Variants in SFMBT2 observed in about 807,000 individuals in gnomAD.
The protein encoded by SFMBT2 is Scm like with four mbt domains 2, also known as scm-like with four MBT domains protein 2.
SFMBT2 carries 38 observed loss-of-function variants against 110.1 expected under a neutral mutation model. That is an observed-to-expected ratio of 0.35 (90% confidence interval 0.27 to 0.45). The LOEUF (loss-of-function observed/expected upper bound fraction) is 0.45. SFMBT2 is among the 20% of genes least tolerant of loss of function. The pLI is 1.00. For missense variants in SFMBT2, 1,011 were observed against 1,094.9 expected (o/e 0.92, Z 1.08); for synonymous variants, 425 against 425.4 (o/e 1.00, Z 0.01).
chr10:7,170,825 A>G lies in SFMBT2; in HGVS notation c.2544+103T>C, dbSNP rs1302398934. On this transcript the variant is annotated intron_variant, in intron 20 of 20. Transcript: ENST00000397167. This position sits in a 1 kb window ranked among gnomAD's most constrained non-coding sequence, Gnocchi z 4.6. Reference sequence around the variant, plus strand: ...GCACACCTGCCGAGCAGCGCCGAAGAACCCCCTCGCAGGTGTCACGAGGAA... The same window carrying G: ...GCACACCTGCCGAGCAGCGCCGAAGGACCCCCTCGCAGGTGTCACGAGGAA... The G allele has an allele frequency of 1.4e-6, 2 of 1,410,384 alleles. 1 individual carries two copies. Among genetic ancestry groups the G allele is most frequent in the East Asian group, 4.7e-5 (2 of 42,358 alleles). The allele number at this position is 1,410,384 out of a possible 1,614,324, so 87.4% of individuals were successfully genotyped here.
chr10:7,202,209 G>A (rs1312673901), intron 13 of SFMBT2: 3 of 246,232 alleles, frequency 1.2e-5, no homozygotes, highest in African/African-American at 4.6e-5. Context: ...ATTTCTCTCA[G>A]TGTGTAGGTC....
intron 11 of SFMBT2, among the ~76,000 whole-genome samples, chr10:7,212,731 C>T (rs1205754329): frequency 6.6e-6 from 1 of 152,180 alleles, no homozygotes; most frequent in Non-Finnish European, 1.5e-5. Flanking sequence ...GTGCCAAGTT[C>T]ACACATCCAG....
chr10:7,327,135 G>GAA (rs35099211), intron 4 of SFMBT2, among the ~76,000 whole-genome samples: 16 of 125,576 alleles, frequency 1.3e-4, no homozygotes, highest in African/African-American at 4.4e-4. Flanking sequence ...GGTCTTCCTT[G>GAA]AAAAAAAAAA....
intron 7 of SFMBT2, among the ~76,000 whole-genome samples, chr10:7,255,521 A>G (rs915318108): frequency 6.6e-6 from 1 of 152,210 alleles, no homozygotes; most frequent in Non-Finnish European, 1.5e-5. Flanking sequence ...TACATTCATC[A>G]CTACCCATTT....
chr10:7,294,987 C>T (rs1315820329), intron 4 of SFMBT2: 1 of 152,162 alleles, frequency 6.6e-6, no homozygotes, highest in African/African-American at 2.4e-5. Flanking sequence ...TACTTGTTAA[C>T]AGTTTATTTA....
chr10:7,295,862 ACACT>A (rs909301813), intron 4 of SFMBT2, among the ~76,000 whole-genome samples: 59 of 152,354 alleles, frequency 3.9e-4, no homozygotes, highest in African/African-American at 1.3e-3. Flanking sequence ...GACAAGGGAA[ACACT>A]CAGAGATGAA....
intron 1 of SFMBT2, among the ~76,000 whole-genome samples, chr10:7,385,763 G>A (rs1845578520): frequency 1.3e-5 from 2 of 152,108 alleles, no homozygotes; most frequent in Non-Finnish European, 2.9e-5. Flanking sequence ...ACTTTGGGAG[G>A]CCGAGGCGGG....
rs1405157664 is a variant in SFMBT2, at chr10:7,363,761, A to G, written c.436+3888T>C. 3.9e-5 allele frequency among the ~76,000 whole-genome samples: 6 copies of G among 152,284 alleles called. No individual in the cohort carries two copies. The East Asian group carries it at 1.2e-3, about 29-fold the overall frequency. On this transcript the variant is annotated intron_variant, in intron 4 of 20. Transcript: ENST00000397167. ...AGAACCCCAAGAAGGGGACTCACCC[A>G]TGGAGCTAAGTTAATAGCAAAGGCA...
chr10:7,207,083 G>A (rs761841059), intron 11 of SFMBT2: 17 of 191,406 alleles, frequency 8.9e-5, no homozygotes, highest in Non-Finnish European at 1.4e-4. Flanking sequence ...AAATTAGCCT[G>A]GCATGGTAGC....
At chr10:7,330,339 C>A (rs750218713) in intron 4 of SFMBT2, among the ~76,000 whole-genome samples, 1 of 152,168 alleles carries the variant, frequency 6.6e-6, no homozygotes, top group Non-Finnish European at 1.5e-5. Context: ...AGGGTCCACC[C>A]GCGCTTCAGC....
intron 4 of SFMBT2, among the ~76,000 whole-genome samples, chr10:7,323,112 T>C (rs2131938818): frequency 6.6e-6 from 1 of 152,106 alleles, no homozygotes; most frequent in East Asian, 1.9e-4. Context: ...TGAAAACAGG[T>C]AAAAACAATA....
intron 2 of SFMBT2, among the ~76,000 whole-genome samples, chr10:7,379,349 G>T (rs1845360405): frequency 6.6e-6 from 1 of 152,032 alleles, no homozygotes; most frequent in South Asian, 2.1e-4. Context: ...ATATTTTGTG[G>T]GTTAGCAGAT....
chr10:7,324,359 C>T (rs982964740), intron 4 of SFMBT2, among the ~76,000 whole-genome samples: 2 of 152,024 alleles, frequency 1.3e-5, no homozygotes, highest in Non-Finnish European at 2.9e-5. Flanking sequence ...AACAATGCAA[C>T]GTTGAAAAAT....
At position 7,162,099 on chromosome 10, in the gene SFMBT2, G is replaced by A. The variant is rs1236658790; in HGVS notation, c.*1671C>T. On this transcript the variant is annotated 3_prime_UTR_variant, in exon 21 of 21. Transcript: ENST00000397167. ...GATATGGAATCGCTCATGAGGATAT[G>A]GAGATGGCTTCTGGTCCAAGAGGCC... 2.0e-5 allele frequency: 3 copies of A among 152,192 alleles called. No individual in the cohort carries two copies. The highest frequency in any genetic ancestry group is 7.2e-5 in the African/African-American group (3 of 41,434). The allele number at this position is 152,192 out of a possible 1,614,324, so 9.4% of individuals were successfully genotyped here.
chr10:7,261,406 T>C (rs1177798636), intron 7 of SFMBT2, among the ~76,000 whole-genome samples: 1 of 152,222 alleles, frequency 6.6e-6, no homozygotes, highest in Admixed American at 6.5e-5. Flanking sequence ...CTTGGCTCCC[T>C]GTCCCATTGT....
chr10:7,184,979 C>G (rs1187573828), intron 16 of SFMBT2, among the ~76,000 whole-genome samples: 1 of 152,208 alleles, frequency 6.6e-6, no homozygotes, highest in Admixed American at 6.5e-5. Context: ...TTCTTGGTCA[C>G]TGGACTTCAG....
intron 4 of SFMBT2, among the ~76,000 whole-genome samples, chr10:7,346,529 C>T (rs117785958): frequency 0.016 from 2,402 of 151,502 alleles, 19 homozygotes; most frequent in Non-Finnish European, 0.027. Context: ...GCAAAGATCA[C>T]GTGTTAAAAA....
Position 7,227,953 on chromosome 10 carries a change from C to T in SFMBT2, c.1121-16G>A, listed in dbSNP as rs1372122677. 2 of 1,570,312 alleles carry T rather than the reference C, an allele frequency of 1.3e-6. No homozygotes were observed. The highest frequency in any genetic ancestry group is 4.1e-5 in the Admixed American group (2 of 48,648). ...CCAGAGTAACCTGGGAATGACAAAA[C>T]ACAGATAAAACAGCGCACATTAAGC... On this transcript the variant is annotated splice_polypyrimidine_tract_variant and intron_variant, in intron 9 of 20. Coordinates refer to ENST00000397167, the MANE Select transcript of SFMBT2 (RefSeq NM_001387889.1).
At chr10:7,183,922 A>G (rs1432081647) in intron 16 of SFMBT2, among the ~76,000 whole-genome samples, 6 of 152,122 alleles carry the variant, frequency 3.9e-5, no homozygotes, top group Non-Finnish European at 8.8e-5. Context: ...CCTCGGTATG[A>G]GGGTTACACA....
Sources: allele counts gnomAD v4.1 joint callset (sites outside exome capture counted in the v4.1 genomes callset), GRCh38; gene constraint gnomAD v4.1.1; non-coding constraint Gnocchi (gnomAD v3.1); transcripts MANE v1.5; gene names NCBI Gene and HGNC (gene_info 2026-07-23, HGNC 2026-07-21).